Variants in AGAP1 observed in about 807,000 individuals in gnomAD.
AGAP1 encodes the protein ArfGAP with GTPase domain, ankyrin repeat and PH domain 1.
A neutral mutation model predicts 105.3 loss-of-function variants in AGAP1; 29 were observed. That is an observed-to-expected ratio of 0.28 (90% CI 0.21 to 0.38). AGAP1 has a LOEUF of 0.38. Ranked by LOEUF, AGAP1 falls within the 10% of genes least tolerant of loss-of-function variation. AGAP1 has a pLI of 1.00. For synonymous variants in AGAP1, 509 were observed against 485.9 expected (o/e 1.05, Z -0.63); for missense variants, 998 against 1,165.1 (o/e 0.86, Z 2.09).
rs1227296543 is a variant in AGAP1 at position 236,002,409 on chromosome 2, G to C, written c.1645+33786G>C. On this transcript the variant is annotated intron_variant, in intron 13 of 17. Transcript: ENST00000304032. The surrounding 1 kb of genome is among the most constrained non-coding windows in gnomAD (Gnocchi z 4.3). ...CATCCTCACTCTCTTCCAAGTATCT[G>C]ATTGCACGCATGTGCACATGTGTGA... Among the ~76,000 whole-genome samples the C allele has an allele frequency of 6.6e-6, 1 of 152,146 alleles. No homozygotes were observed. The highest frequency in any genetic ancestry group is 1.5e-5 in the Non-Finnish European group (1 of 68,038).
chr2:235,813,636 G>A (rs763929170), intron 9 of AGAP1, among the ~76,000 whole-genome samples: 3 of 152,254 alleles, frequency 2.0e-5, no homozygotes, highest in Non-Finnish European at 2.9e-5. Context: ...CTAGGGCTGG[G>A]CGTTGACAGC....
rs1039671731 is a variant in AGAP1, at chr2:235,620,148, A to G, written c.164-89031A>G. 6.6e-6 allele frequency among the ~76,000 whole-genome samples: 1 copy of G among 152,156 alleles called. No individual in the cohort carries two copies. Among genetic ancestry groups the G allele is most frequent in the African/African-American group, 2.4e-5 (1 of 41,430 alleles). ...GTCATTCTTCTCCTGCCGGGCATGG[A>G]TGCTGACAATAGAACTACTTTCCAG... On this transcript the variant is annotated intron_variant, in intron 1 of 17. Coordinates refer to ENST00000304032, the MANE Select transcript of AGAP1 (RefSeq NM_001037131.3). This position sits in a 1 kb window ranked among gnomAD's most constrained non-coding sequence, Gnocchi z 4.5.
intron 13 of AGAP1, among the ~76,000 whole-genome samples, chr2:236,028,935 A>T (rs1468775826): frequency 6.6e-6 from 1 of 151,752 alleles, no homozygotes; most frequent in Non-Finnish European, 1.5e-5. Context: ...TCTCTTATTG[A>T]TTTTTTTTCT....
At position 236,076,306 on chromosome 2, in the gene AGAP1, G is replaced by C. The variant is rs2058633502; in HGVS notation, c.2114+27025G>C. 6.6e-6 allele frequency among the ~76,000 whole-genome samples: 1 copy of C among 152,152 alleles called. No homozygotes were observed. The highest frequency in any genetic ancestry group is 1.5e-5 in the Non-Finnish European group (1 of 68,030). On this transcript the variant is annotated intron_variant, in intron 16 of 17. Transcript: ENST00000304032. The surrounding 1 kb of genome is among the most constrained non-coding windows in gnomAD (Gnocchi z 4.4). ...CTACTACAAATACAAAAATTAGCCAGGCATGGTGGCATGAGCCCATAATCC... is the reference window on the plus strand; with the variant it reads ...CTACTACAAATACAAAAATTAGCCACGCATGGTGGCATGAGCCCATAATCC...
At chr2:235,749,178 A>T (rs1439911747) in intron 5 of AGAP1, among the ~76,000 whole-genome samples, 1 of 151,542 alleles carries the variant, frequency 6.6e-6, no homozygotes, top group Non-Finnish European at 1.5e-5. Flanking sequence ...ACTGTACTCC[A>T]GCCTGGGCGA....
chr2:235,591,872 C>G (rs1408108517), intron 1 of AGAP1, among the ~76,000 whole-genome samples: 7 of 144,958 alleles, frequency 4.8e-5, no homozygotes, highest in Non-Finnish European at 9.1e-5. Context: ...CACCACTTCT[C>G]TCTTGCTCCT....
In AGAP1 at chr2:235,729,315, G is replaced by C. The variant is rs1951817581; in HGVS notation, c.311-11648G>C. ...CCGTCTAGAACCATGTGACCTGGCA[G>C]CCACTTCAACTTGGGCAGCATCTCG... On this transcript the variant is annotated intron_variant, in intron 3 of 17. Transcript: ENST00000304032. This position sits in a 1 kb window ranked among gnomAD's most constrained non-coding sequence, Gnocchi z 5.0. 2.0e-5 allele frequency among the ~76,000 whole-genome samples: 3 copies of C among 152,160 alleles called. No individual in the cohort carries two copies. Among genetic ancestry groups the C allele is most frequent in the Non-Finnish European group, 4.4e-5 (3 of 68,036 alleles).
chr2:235,513,522 GAAAAAAA>G (rs5839595), intron 1 of AGAP1, among the ~76,000 whole-genome samples: 2 of 73,226 alleles, frequency 2.7e-5, no homozygotes, highest in Non-Finnish European at 4.8e-5. Context: ...CTCCGTCTCA[GAAAAAAA>G]AAAAAAAAAA....
chr2:235,801,118 T>A lies in AGAP1; in HGVS notation c.957+1596T>A, dbSNP rs1423254490. On this transcript the variant is annotated intron_variant, in intron 8 of 17. Transcript: ENST00000304032. The surrounding 1 kb of genome is among the most constrained non-coding windows in gnomAD (Gnocchi z 6.0). ...CCCCTCGTCCCCAGCCTCCCCTTGC[T>A]TTTGCTAGTTGCCTTGCGCCACATC... Among the ~76,000 whole-genome samples, 1 of 152,074 alleles carries A rather than the reference T, an allele frequency of 6.6e-6. No homozygotes were observed. Among genetic ancestry groups the A allele is most frequent in the Admixed American group, 6.5e-5 (1 of 15,276 alleles).
chr2:236,068,529 G>A (rs1462959803), intron 16 of AGAP1, among the ~76,000 whole-genome samples: 3 of 151,990 alleles, frequency 2.0e-5, no homozygotes, highest in East Asian at 1.9e-4. Context: ...GGCCGGGCGC[G>A]GTGGCTCACG....
intron 13 of AGAP1, among the ~76,000 whole-genome samples, chr2:236,010,661 C>A (rs2056479161): frequency 6.6e-6 from 1 of 152,182 alleles, no homozygotes; most frequent in African/African-American, 2.4e-5. Flanking sequence ...AGTGATCTCT[C>A]TTTGTAATTC....
chr2:235,513,250 G>GCGC (rs59170799), intron 1 of AGAP1, among the ~76,000 whole-genome samples: 1 of 152,056 alleles, frequency 6.6e-6, no homozygotes, highest in Admixed American at 6.6e-5. Flanking sequence ...CCGGGCGCGG[G>GCGC]TGGCTCATGC....
intron 13 of AGAP1, among the ~76,000 whole-genome samples, chr2:235,978,752 G>A (rs979840572): frequency 7.2e-5 from 11 of 152,106 alleles, no homozygotes; most frequent in African/African-American, 2.7e-4. Context: ...CTCTGTGCAT[G>A]TCCATTTCTG....
At chr2:236,024,123 C>T (rs946812279) in intron 13 of AGAP1, among the ~76,000 whole-genome samples, 3 of 143,218 alleles carry the variant, frequency 2.1e-5, no homozygotes, top group Admixed American at 6.8e-5. Context: ...CTCCGCCTCC[C>T]GGGTTCAAGC....
chr2:235,849,395 T>A (rs986873404), intron 9 of AGAP1, among the ~76,000 whole-genome samples: 2 of 152,256 alleles, frequency 1.3e-5, no homozygotes, highest in African/African-American at 4.8e-5. Flanking sequence ...GTATTCATTG[T>A]TCGAAATCAA....
At chr2:235,563,776 G>A (rs1246186898) in intron 1 of AGAP1, among the ~76,000 whole-genome samples, 1 of 152,134 alleles carries the variant, frequency 6.6e-6, no homozygotes, top group Non-Finnish European at 1.5e-5. Flanking sequence ...TTGAGGGTCT[G>A]GTATATGCTA....
Position 235,595,192 on chromosome 2 carries a change from G to A in AGAP1, c.163+100343G>A, listed in dbSNP as rs566816307. Reference sequence around the variant, plus strand: ...AAGTGCAGCCCAGCCTCCAGGGGAAGGGGAGGAAAACTGAAGGTTTGTAAG... The same window carrying A: ...AAGTGCAGCCCAGCCTCCAGGGGAAAGGGAGGAAAACTGAAGGTTTGTAAG... On this transcript the variant is annotated intron_variant, in intron 1 of 17. Transcript: ENST00000304032. Among the ~76,000 whole-genome samples the A allele has an allele frequency of 2.0e-5, 3 of 152,318 alleles. No individual in the cohort carries two copies. In the South Asian group the frequency reaches 6.2e-4, roughly 32 times the overall value.
Position 235,918,973 on chromosome 2 carries a change from G to A in AGAP1, c.1324+10067G>A, listed in dbSNP as rs115341040. On this transcript the variant is annotated intron_variant, in intron 11 of 17. Coordinates refer to ENST00000304032, the MANE Select transcript of AGAP1 (RefSeq NM_001037131.3). ...GGATGGCCAGGACCTTGAGTTGGAT[G>A]TGGTAACAGGTGTGCCTACAAGTAA... Among the ~76,000 whole-genome samples, 1,018 of 152,274 alleles carry A rather than the reference G, an allele frequency of 6.7e-3. 13 individuals carry two copies. The highest frequency in any genetic ancestry group is 0.023 in the African/African-American group (951 of 41,558).
chr2:236,064,439 T>A (rs1377056018), intron 16 of AGAP1, among the ~76,000 whole-genome samples: 5 of 151,644 alleles, frequency 3.3e-5, no homozygotes, highest in African/African-American at 1.2e-4. Context: ...AAAAAAAAAA[T>A]ACAAAAATTG....
Sources: allele counts gnomAD v4.1 joint callset (sites outside exome capture counted in the v4.1 genomes callset), GRCh38; gene constraint gnomAD v4.1.1; non-coding constraint Gnocchi (gnomAD v3.1); transcripts MANE v1.5; gene names NCBI Gene and HGNC (gene_info 2026-07-23, HGNC 2026-07-21).